The following TLR5 variants were observed in gnomAD, a reference collection of about 807,000 sequenced individuals.
TLR5 encodes toll like receptor 5, also known as toll-like receptor 5.
For missense variants in TLR5, 944 were observed against 999.8 expected (o/e 0.94, Z 0.75); for synonymous variants, 373 against 384.4 (o/e 0.97, Z 0.35).
intron 5 of TLR5, chr1:223,127,144 T>C (rs1361590799): frequency 2.0e-5 from 3 of 152,200 alleles, no homozygotes; most frequent in Non-Finnish European, 4.4e-5. Flanking sequence ...CTGTGTCAAG[T>C]TAATGCTTGA....
In TLR5 at chr1:223,141,710, T is replaced by G. The variant is rs1333407636; in HGVS notation, c.-501A>C. ...ATCGCTTGAACCCTGGAGGCAGTGG[T>G]TGCAGTCAGCCGAGATTGTGTCACT... On this transcript the variant is annotated 5_prime_UTR_variant, in exon 2 of 6. Transcript: ENST00000642603. The G allele has an allele frequency of 1.3e-5, 2 of 149,926 alleles. No homozygotes were observed. Among genetic ancestry groups the G allele is most frequent in the Non-Finnish European group, 3.0e-5 (2 of 67,640 alleles). The allele number at this position is 149,926 out of a possible 1,614,324, so 9.3% of individuals were successfully genotyped here.
intron 5 of TLR5, among the ~76,000 whole-genome samples, chr1:223,114,671 T>A (rs1656536976): frequency 1.3e-5 from 2 of 152,236 alleles, no homozygotes; most frequent in South Asian, 2.1e-4. Context: ...GCACACAAGC[T>A]ACAGCAAATC....
At chr1:223,122,336 G>C (rs1258795811) in intron 5 of TLR5, among the ~76,000 whole-genome samples, 1 of 152,190 alleles carries the variant, frequency 6.6e-6, no homozygotes, top group Admixed American at 6.5e-5. Flanking sequence ...CCAGCTCCAG[G>C]GTTCCTGGCG....
In TLR5 at chr1:223,111,371, T is replaced by C. The variant is rs138917078; in HGVS notation, c.1661A>G (p.Asp554Gly). The change falls in exon 6 of 6, where the codon GAC becomes GGC. Residue 554 changes from aspartate (D) to glycine (G), a missense_variant. Coordinates refer to ENST00000642603, the MANE Select transcript of TLR5 (RefSeq NM_003268.6). ...NDLPANLEIL[D>G]ISRNQLLAPN... The stretch of plus-strand genomic sequence containing the variant: ...AGCTAGGAGCTGGTTCCTGGATATG[T>C]CCAGGATCTCTAAATTAGCAGGTAA... 334 of 1,614,194 alleles carry C rather than the reference T, an allele frequency of 2.1e-4. 2 individuals are homozygous for C. In the African/African-American group the frequency reaches 3.4e-3, roughly 17 times the overall value.
intron 4 of TLR5, chr1:223,134,287 C>T (rs1411518332): frequency 6.6e-6 from 1 of 152,142 alleles, no homozygotes; most frequent in Non-Finnish European, 1.5e-5. Flanking sequence ...TACACCTTAC[C>T]AGAAACGCCT....
intron 5 of TLR5, among the ~76,000 whole-genome samples, chr1:223,114,303 C>T (rs917847876): frequency 1.3e-5 from 2 of 152,126 alleles, no homozygotes; most frequent in African/African-American, 4.8e-5. Context: ...CACACAAGGA[C>T]CCCACCTGCA....
Position 223,112,568 on chromosome 1 carries a change from T to C in TLR5, c.464A>G (p.Asn155Ser), listed in dbSNP as rs138976900. The change falls in exon 6 of 6, where the codon AAT becomes AGT. Residue 155 changes from asparagine to serine, a missense_variant. Asn to Ser is a conservative substitution (Grantham distance 46). Coordinates refer to ENST00000642603, the MANE Select transcript of TLR5 (RefSeq NM_003268.6). ...ATGAAGGTAAAGGCTACGAATCTGATTTTTGGATAGATCCAAGCGAGTTAA... is the reference window on the plus strand; with the variant it reads ...ATGAAGGTAAAGGCTACGAATCTGACTTTTGGATAGATCCAAGCGAGTTAA... Reference protein sequence around the residue: ...KALTRLDLSKNQIRSLYLHPS... With the variant: ...KALTRLDLSKSQIRSLYLHPS... 6.2e-7 allele frequency: 1 copy of C among 1,614,266 alleles called. No individual in the cohort carries two copies.
At chr1:223,114,174 C>T (rs562795579) in intron 5 of TLR5, among the ~76,000 whole-genome samples, 30 of 152,126 alleles carry the variant, frequency 2.0e-4, no homozygotes, top group Non-Finnish European at 2.9e-4. Context: ...TAAGTCCTGT[C>T]GGGGAGCTAA....
chr1:223,141,679 A>G lies in TLR5; in HGVS notation c.-470T>C, dbSNP rs1657845687. 1.3e-5 allele frequency: 2 copies of G among 151,404 alleles called. No homozygotes were observed. The highest frequency in any genetic ancestry group is 6.6e-5 in the Admixed American group (1 of 15,166). The allele number at this position is 151,404 out of a possible 1,614,324, so 9.4% of individuals were successfully genotyped here. A position where few individuals can be genotyped will look rare whatever the true frequency, so the allele number is the denominator to read the frequency against. On this transcript the variant is annotated 5_prime_UTR_variant, in exon 2 of 6. Coordinates refer to ENST00000642603, the MANE Select transcript of TLR5 (RefSeq NM_003268.6). ...TCCCAGCTACTTGGGAGGCTGAGGC[A>G]AGAGAATCGCTTGAACCCTGGAGGC...
chr1:223,141,784 C>CATATATAT (rs142700046), intron 1 of TLR5, 21 bp from the exon 2 acceptor site: 6 of 74,930 alleles, frequency 8.0e-5, no homozygotes, highest in Non-Finnish European at 1.3e-4. Context: ...AAAAAAATTA[C>CATATATAT]ATATATATAT....
At chr1:223,123,295 G>T (rs377563460) in intron 5 of TLR5, among the ~76,000 whole-genome samples, 17 of 152,212 alleles carry the variant, frequency 1.1e-4, no homozygotes, top group Non-Finnish European at 2.2e-4. Flanking sequence ...ACTCAATGCC[G>T]GTTCCCAAAC....
chr1:223,115,336 G>T (rs541620089), intron 5 of TLR5, among the ~76,000 whole-genome samples: 4 of 152,178 alleles, frequency 2.6e-5, no homozygotes, highest in Non-Finnish European at 5.9e-5. Flanking sequence ...TGCAACCTCC[G>T]CCTCCCGGGT....
chr1:223,128,738 G>A (rs1375478690), intron 5 of TLR5: 2 of 152,214 alleles, frequency 1.3e-5, no homozygotes, highest in Non-Finnish European at 2.9e-5. Flanking sequence ...GACTGCAGGT[G>A]AGTCTTCATT....
At chr1:223,114,002 C>T (rs1656501340) in intron 5 of TLR5, among the ~76,000 whole-genome samples, 3 of 152,222 alleles carry the variant, frequency 2.0e-5, no homozygotes, top group African/African-American at 7.2e-5. Context: ...CCTTACTCCA[C>T]ACACAGTCCA....
chr1:223,138,866 C>T (rs1376940831), intron 2 of TLR5, among the ~76,000 whole-genome samples: 2 of 152,314 alleles, frequency 1.3e-5, no homozygotes, highest in African/African-American at 2.4e-5. Flanking sequence ...ATAATCCCCA[C>T]GTGTTGAGGG....
intron 5 of TLR5, 69 bp from the exon 6 acceptor site, chr1:223,113,104 T>C (rs886434918): frequency 1.4e-6 from 2 of 1,461,822 alleles, no homozygotes; most frequent in Admixed American, 1.8e-5. Context: ...GGTCTTCAGA[T>C]CTTGGGGGTA....
chr1:223,124,997 T>C (rs1463557583), intron 5 of TLR5, among the ~76,000 whole-genome samples: 1 of 152,162 alleles, frequency 6.6e-6, no homozygotes, highest in Non-Finnish European at 1.5e-5. Flanking sequence ...AAATCACACA[T>C]GGAGAATGAG....
chr1:223,139,246 A>C (rs193041850), intron 2 of TLR5, among the ~76,000 whole-genome samples: 36 of 152,266 alleles, frequency 2.4e-4, no homozygotes, highest in African/African-American at 8.2e-4. Flanking sequence ...TGATATTTTT[A>C]TCACTCTGGT....
chr1:223,125,508 T>G (rs758531432), intron 5 of TLR5, among the ~76,000 whole-genome samples: 92 of 152,180 alleles, frequency 6.0e-4, no homozygotes, highest in Non-Finnish European at 1.2e-3. Flanking sequence ...GCTCTCAGCC[T>G]TGGCTACACA....
Sources: allele counts gnomAD v4.1 joint callset (sites outside exome capture counted in the v4.1 genomes callset), GRCh38; gene constraint gnomAD v4.1.1; transcripts MANE v1.5; gene names NCBI Gene and HGNC (gene_info 2026-07-23, HGNC 2026-07-21).